Variants in ADAM7 observed in about 807,000 individuals in gnomAD.
The protein encoded by ADAM7 is ADAM metallopeptidase domain 7.
In ADAM7, 97 loss-of-function variants were observed where a neutral mutation model predicts 102.9. That is an observed-to-expected ratio of 0.94 (90% CI 0.80 to 1.12). The LOEUF is 1.12. Ranked by LOEUF, ADAM7 falls within the 50% of genes most tolerant of loss-of-function variation. The pLI is 0.00. For missense variants in ADAM7, 991 were observed against 908.7 expected (o/e 1.09, Z -1.16); for synonymous variants, 334 against 304.4 (o/e 1.10, Z -1.01).
At chr8:24,482,833 A>G (rs1192730984) in intron 9 of ADAM7, among the ~76,000 whole-genome samples, 1 of 152,178 alleles carries the variant, frequency 6.6e-6, no homozygotes, top group Non-Finnish European at 1.5e-5. Flanking sequence ...AAAAAATCTG[A>G]TATATTCATA....
chr8:24,473,797 C>T (rs780717218), intron 7 of ADAM7, among the ~76,000 whole-genome samples: 5 of 151,974 alleles, frequency 3.3e-5, no homozygotes, highest in South Asian at 2.1e-4. Context: ...ATGAGAGTGA[C>T]GGTTTCCTCC....
chr8:24,508,481 T>A, intron 21 of ADAM7, 65 bp from the exon 22 acceptor site: 1 of 1,516,910 alleles, frequency 6.6e-7, no homozygotes, highest in South Asian at 1.1e-5. Context: ...AAATGAGTAA[T>A]GGAAATACAT....
In ADAM7 at chr8:24,441,160, G is replaced by C. The variant is rs1292901192; in HGVS notation, c.52G>C (p.Glu18Gln). The C allele has an allele frequency of 1.2e-6, 2 of 1,611,922 alleles. No individual in the cohort carries two copies. The highest frequency in any genetic ancestry group is 1.7e-6 in the Non-Finnish European group (2 of 1,177,980). Residue 18 changes from glutamate to glutamine, a missense_variant and splice_region_variant, in exon 1 of 22, where the codon GAA becomes CAA. Coordinates refer to ENST00000175238, the MANE Select transcript of ADAM7 (RefSeq NM_003817.4). ...LMILLIPQVKEKFILGVEGQQ... is the reference protein window; with the variant it reads ...LMILLIPQVKQKFILGVEGQQ... ...GATTTTACTCATTCCTCAGGTTAAA[G>C]GTATGTCTTGCTCTTTTTATCAGGA... is the stretch of plus-strand genomic sequence containing the variant.
chr8:24,477,545 G>A (rs1221264672), intron 8 of ADAM7, among the ~76,000 whole-genome samples: 6 of 102,726 alleles, frequency 5.8e-5, no homozygotes, highest in Non-Finnish European at 1.3e-4. Flanking sequence ...GCTGGTCTAT[G>A]TGTCCCTTGG....
At chr8:24,482,885 CT>C (rs1251079507) in intron 9 of ADAM7, among the ~76,000 whole-genome samples, 1 of 152,038 alleles carries the variant, frequency 6.6e-6, no homozygotes, top group Non-Finnish European at 1.5e-5. Flanking sequence ...AAGCAAAGTG[CT>C]TTTAGAATCC....
At chr8:24,443,706 G>A in intron 2 of ADAM7, among the ~76,000 whole-genome samples, 1 of 152,160 alleles carries the variant, frequency 6.6e-6, no homozygotes, top group East Asian at 1.9e-4. Flanking sequence ...GGGAGGCCGA[G>A]GAGGGCAGAT....
In ADAM7 at chr8:24,441,076, C is replaced by A; in HGVS notation, c.-33C>A. 2 of 1,597,690 alleles carry A rather than the reference C, an allele frequency of 1.3e-6. No homozygotes were observed. Among genetic ancestry groups the A allele is most frequent in the African/African-American group, 1.3e-5 (1 of 74,662 alleles). On this transcript the variant is annotated 5_prime_UTR_variant, in exon 1 of 22. Transcript: ENST00000175238. ...AGAAAGGTGAACTCCTTTTCTCAAG[C>A]ACTTCTGCTCTCCTCTACCAGAATC...
At chr8:24,473,054 A>G (rs1381560277) in intron 7 of ADAM7, among the ~76,000 whole-genome samples, 2 of 152,178 alleles carry the variant, frequency 1.3e-5, no homozygotes, top group Non-Finnish European at 2.9e-5. Context: ...GAAAAATTAC[A>G]TAAGTAGTCC....
rs1820993222 is a variant in ADAM7, at chr8:24,507,518, C to T, written c.2247C>T (p.Pro749=). Residue 749 remains proline (P), a synonymous_variant, in exon 21 of 22, where the codon CCC becomes CCT. Coordinates refer to ENST00000175238, the MANE Select transcript of ADAM7 (RefSeq NM_003817.4). ...ASKDSRGIAD[P]NQSAK is the part of the protein sequence containing the mutation. ...AAGATTCAAGAGGAATCGCAGATCC[C>T]AATCAAAGTGCCAAGTGGTAGGTTA... 6.2e-7 allele frequency: 1 copy of T among 1,612,448 alleles called. No homozygotes were observed.
At chr8:24,473,459 AAAGC>A (rs1819671897) in intron 7 of ADAM7, among the ~76,000 whole-genome samples, 1 of 152,178 alleles carries the variant, frequency 6.6e-6, no homozygotes, top group African/African-American at 2.4e-5. Flanking sequence ...GCTGGGCATC[AAAGC>A]ACCAAAAGAG....
At chr8:24,507,764 T>C (rs1183114790) in intron 21 of ADAM7, among the ~76,000 whole-genome samples, 1 of 151,894 alleles carries the variant, frequency 6.6e-6, no homozygotes, top group Non-Finnish European at 1.5e-5. Context: ...AAAGGAGCAA[T>C]CCAGAATTCA....
At chr8:24,443,805 G>T (rs527800332) in intron 2 of ADAM7, among the ~76,000 whole-genome samples, 25 of 152,210 alleles carry the variant, frequency 1.6e-4, no homozygotes, top group Admixed American at 1.4e-3. Context: ...AGGCATGGTG[G>T]TGTGCACCTG....
Position 24,492,610 on chromosome 8 carries a change from T to A in ADAM7, c.1655+13T>A, listed in dbSNP as rs1820402504. 1 of 1,599,618 alleles carries A rather than the reference T, an allele frequency of 6.3e-7. No homozygotes were observed. The highest frequency in any genetic ancestry group is 1.7e-5 in the Admixed American group (1 of 59,146). On this transcript the variant is annotated intron_variant, in intron 15 of 21. Transcript: ENST00000175238. ...CCTGTGAGGAGAAGTAAGTGCCCTG[T>A]GGAAAAAAAGTAATTTGCCTTCTTA...
chr8:24,499,584 T>C (rs1440288060), intron 17 of ADAM7, among the ~76,000 whole-genome samples: 3 of 152,140 alleles, frequency 2.0e-5, no homozygotes, highest in Non-Finnish European at 2.9e-5. Flanking sequence ...GATTCATGTA[T>C]GTATAAAGTT....
chr8:24,450,682 CTA>C (rs1225288910), intron 3 of ADAM7, among the ~76,000 whole-genome samples: 1 of 151,950 alleles, frequency 6.6e-6, no homozygotes, highest in Non-Finnish European at 1.5e-5. Context: ...ACTTCCAACA[CTA>C]TGTTGAATAG....
In ADAM7 at chr8:24,501,512, G is replaced by T. The variant is rs146728776; in HGVS notation, c.2144G>T (p.Gly715Val). Residue 715 changes from glycine (G) to valine (V), a missense_variant, in exon 20 of 22, where the codon GGA becomes GTA. Coordinates refer to ENST00000175238, the MANE Select transcript of ADAM7 (RefSeq NM_003817.4). ...PTETLGVENK[G>V]YFGDEQQIRT... Reference sequence around the variant, plus strand: ...GAAACCCTGGGAGTGGAGAACAAAGGATACTTTGGTGATGAGCAGCAGATA... The same window carrying T: ...GAAACCCTGGGAGTGGAGAACAAAGTATACTTTGGTGATGAGCAGCAGATA... The T allele has an allele frequency of 1.2e-4, 187 of 1,608,414 alleles. 2 individuals carry two copies. The African/African-American group carries it at 2.1e-3, about 18-fold the overall frequency.
intron 3 of ADAM7, among the ~76,000 whole-genome samples, chr8:24,459,355 ACT>A (rs1292716895): frequency 2.0e-5 from 3 of 151,440 alleles, no homozygotes; most frequent in African/African-American, 7.3e-5. Flanking sequence ...TTTAGTGATA[ACT>A]CTTTTTAAAT....
At chr8:24,494,630 T>C (rs1820491272) in intron 16 of ADAM7, among the ~76,000 whole-genome samples, 1 of 152,318 alleles carries the variant, frequency 6.6e-6, no homozygotes, top group East Asian at 1.9e-4. Context: ...ATCACAGTGG[T>C]GCCAGTTCTT....
intron 16 of ADAM7, among the ~76,000 whole-genome samples, chr8:24,494,934 A>G (rs1193925513): frequency 6.6e-6 from 1 of 152,230 alleles, no homozygotes; most frequent in African/African-American, 2.4e-5. Context: ...GCAAGGATCA[A>G]GTGGGAAGCC....
Sources: gnomAD v4.1 joint callset for allele counts (sites outside exome capture counted in the v4.1 genomes callset) on GRCh38, gnomAD v4.1.1 for gene constraint, MANE v1.5 for transcripts, NCBI Gene and HGNC (gene_info 2026-07-23, HGNC 2026-07-21) for gene names.